NEK1: variants seen among roughly 807,000 people sequenced by gnomAD.
The protein encoded by NEK1 is NIMA related kinase 1.
NEK1 carries 137 observed loss-of-function variants against 182.1 expected under a neutral mutation model. The observed-to-expected ratio is 0.75, with a 90% CI of 0.65 to 0.87. The LOEUF (loss-of-function observed/expected upper bound fraction) is 0.87, where lower values mean the gene tolerates loss of function less well. NEK1 is among the 40% of genes least tolerant of loss of function. The pLI is 0.00. For missense variants in NEK1, 1,391 were observed against 1,494.4 expected (o/e 0.93, Z 1.14); for synonymous variants, 513 against 492.2 (o/e 1.04, Z -0.56).
chr4:169,533,038 T>C (rs775790783), intron 19 of NEK1, among the ~76,000 whole-genome samples: 7 of 152,306 alleles, frequency 4.6e-5, no homozygotes, highest in African/African-American at 7.2e-5. Flanking sequence ...TCTAAAATTA[T>C]AAGCAAAGGG....
At chr4:169,508,934 T>C in intron 19 of NEK1, 82 bp from the exon 20 acceptor site, 1 of 1,179,834 alleles carries the variant, frequency 8.5e-7, no homozygotes, top group Non-Finnish European at 1.2e-6. Flanking sequence ...AGGTGCTACT[T>C]TATTTCTTTT....
rs1274720436 is a variant in NEK1, at chr4:169,498,576, T to A, written c.2007+8461A>T. On this transcript the variant is annotated intron_variant, in intron 23 of 35. Coordinates refer to ENST00000507142, the MANE Select transcript of NEK1 (RefSeq NM_001199397.3). ...CCTTTCCATGTTTAGTGCTTCCTTC[T>A]GGAGCTCTTTTAGGGCAGGCCTGGT... is the stretch of plus-strand genomic sequence containing the variant. Among the ~76,000 whole-genome samples the A allele has an allele frequency of 3.3e-5, 5 of 152,292 alleles. No individual in the cohort carries two copies. The East Asian group carries it at 7.7e-4, about 23-fold the overall frequency.
At chr4:169,498,704 C>T (rs1183636404) in intron 23 of NEK1, among the ~76,000 whole-genome samples, 1 of 152,134 alleles carries the variant, frequency 6.6e-6, no homozygotes, top group Non-Finnish European at 1.5e-5. Context: ...GTTGAAAATT[C>T]GTTTCTTTAA....
chr4:169,447,743 C>T (rs1021906928), intron 27 of NEK1, among the ~76,000 whole-genome samples: 1 of 151,862 alleles, frequency 6.6e-6, no homozygotes, highest in Non-Finnish European at 1.5e-5. Flanking sequence ...GTGGCACACA[C>T]CTGTGATCCA....
chr4:169,565,749 C>T (rs1168950852), intron 12 of NEK1, among the ~76,000 whole-genome samples: 1 of 152,070 alleles, frequency 6.6e-6, no homozygotes, highest in African/African-American at 2.4e-5. Flanking sequence ...TCAGATTAAG[C>T]AAATCTGTAT....
At chr4:169,570,057 TCCCGGCCGC>T (rs1201755108) in intron 12 of NEK1, among the ~76,000 whole-genome samples, 1 of 119,726 alleles carries the variant, frequency 8.4e-6, no homozygotes, top group Non-Finnish European at 1.8e-5. Flanking sequence ...GAGCGCCTCT[TCCCGGCCGC>T]CATCCCATCT....
At chr4:169,400,738 T>C (rs1215629273) in intron 33 of NEK1, 87 bp from the exon 34 acceptor site, 4 of 940,092 alleles carry the variant, frequency 4.3e-6, no homozygotes, top group African/African-American at 1.7e-5. Flanking sequence ...GACAAATGAA[T>C]AATGCCATTG....
intron 4 of NEK1, among the ~76,000 whole-genome samples, chr4:169,599,746 TA>T (rs1446718803): frequency 6.6e-6 from 1 of 152,168 alleles, no homozygotes; most frequent in African/African-American, 2.4e-5. Flanking sequence ...ATGCACTTTT[TA>T]AAAAATTGCA....
At chr4:169,427,251 C>T (rs987844096) in intron 29 of NEK1, among the ~76,000 whole-genome samples, 14 of 151,778 alleles carry the variant, frequency 9.2e-5, no homozygotes, top group Admixed American at 2.0e-4. Context: ...CTCAGCCTCC[C>T]GAGTAGCTGG....
At chr4:169,410,030 TG>T (rs1733393674) in intron 31 of NEK1, among the ~76,000 whole-genome samples, 1 of 152,234 alleles carries the variant, frequency 6.6e-6, no homozygotes, top group Non-Finnish European at 1.5e-5. Context: ...TATTCATCTT[TG>T]GTCAAGAGAA....
At chr4:169,591,155 A>G (rs11132809) in intron 5 of NEK1, among the ~76,000 whole-genome samples, 12 of 127,678 alleles carry the variant, frequency 9.4e-5, no homozygotes, top group East Asian at 2.2e-4. Flanking sequence ...CCCCCCCCCC[A>G]CTTCTTTAGG....
At chr4:169,524,719 C>T (rs1033102218) in intron 19 of NEK1, among the ~76,000 whole-genome samples, 41 of 152,146 alleles carry the variant, frequency 2.7e-4, no homozygotes, top group Non-Finnish European at 1.6e-4. Context: ...TCCAGCCCAT[C>T]ACTTGTTTTT....
intron 35 of NEK1, among the ~76,000 whole-genome samples, chr4:169,397,019 C>T (rs1449979845): frequency 6.6e-6 from 1 of 151,994 alleles, no homozygotes; most frequent in African/African-American, 2.4e-5. Flanking sequence ...CAGCTTCAGG[C>T]CAGGAGTTTG....
chr4:169,505,081 G>T (rs910719356), intron 23 of NEK1, among the ~76,000 whole-genome samples: 1 of 151,928 alleles, frequency 6.6e-6, no homozygotes, highest in South Asian at 2.1e-4. Context: ...GGGAAACAGC[G>T]TAAGAAAAAG....
chr4:169,405,782 G>A lies in NEK1; in HGVS notation c.3374+814C>T, dbSNP rs72691031. 3.6e-3 allele frequency among the ~76,000 whole-genome samples: 541 copies of A among 152,118 alleles called. 3 individuals are homozygous for A. Among genetic ancestry groups the A allele is most frequent in the South Asian group, 0.021 (101 of 4,816 alleles). On this transcript the variant is annotated intron_variant, in intron 32 of 35. Coordinates refer to ENST00000507142, the MANE Select transcript of NEK1 (RefSeq NM_001199397.3). ...CTGAGTAGCTGAGACTACCTACAAG[G>A]CATGTGGAAACAAACCTGGCTATTA...
At chr4:169,531,453 T>C (rs1483312132) in intron 19 of NEK1, among the ~76,000 whole-genome samples, 1 of 150,088 alleles carries the variant, frequency 6.7e-6, no homozygotes, top group African/African-American at 2.4e-5. Flanking sequence ...TGAAAATATA[T>C]ATACTACATA....
At chr4:169,546,672 G>A (rs11730723) in intron 18 of NEK1, among the ~76,000 whole-genome samples, 13,439 of 152,098 alleles carry the variant, frequency 0.088, 778 homozygotes, top group African/African-American at 0.16. Context: ...TATTGGGTAC[G>A]TATATATTTA....
intron 31 of NEK1, among the ~76,000 whole-genome samples, chr4:169,422,286 A>C (rs1295185173): frequency 1.3e-5 from 2 of 152,218 alleles, no homozygotes; most frequent in African/African-American, 4.8e-5. Flanking sequence ...AAGGGGATAG[A>C]GAAATGGGGT....
intron 2 of NEK1, among the ~76,000 whole-genome samples, chr4:169,603,802 T>C (rs1019871595): frequency 6.6e-6 from 1 of 151,496 alleles, no homozygotes; most frequent in East Asian, 1.9e-4. Context: ...ACCTTCCAGG[T>C]TCCAGCGATT....
Sources: allele counts gnomAD v4.1 joint callset (sites outside exome capture counted in the v4.1 genomes callset), GRCh38; gene constraint gnomAD v4.1.1; transcripts MANE v1.5; gene names NCBI Gene and HGNC (gene_info 2026-07-23, HGNC 2026-07-21).